SLC14A2: variants seen among roughly 807,000 people sequenced by gnomAD.
SLC14A2 encodes the protein urea transporter 2.
Under a neutral mutation model 104.6 loss-of-function variants are expected in SLC14A2, and 91 were observed. The observed-to-expected ratio is 0.87, with a 90% CI of 0.73 to 1.04. The LOEUF is 1.04. Among genes scored for constraint, SLC14A2 ranks in the 50% least tolerant of loss-of-function variants. The probability of loss-of-function intolerance (pLI) is 0.00; values close to 1 mark genes in which losing one functional copy is unlikely to be tolerated. For missense variants in SLC14A2, 1,189 were observed against 1,156.0 expected, an observed-to-expected ratio of 1.03 and a Z score of -0.41; for synonymous variants, 476 against 466.4, an observed-to-expected ratio of 1.02 and a Z score of -0.27.
At position 45,343,366 on chromosome 18, in the gene SLC14A2, C is replaced by T. The variant is rs532979554; in HGVS notation, c.-125+130175C>T. On this transcript the variant is annotated intron_variant, in intron 1 of 20. Transcript: ENST00000586448. Reference sequence around the variant, plus strand: ...TGATCAGAGGTAACCAATGCTAGGGCGTCGGGGTGCTGCATGATGGTCCCC... The same window carrying T: ...TGATCAGAGGTAACCAATGCTAGGGTGTCGGGGTGCTGCATGATGGTCCCC... 7.9e-5 allele frequency among the ~76,000 whole-genome samples: 12 copies of T among 152,024 alleles called. No individual in the cohort carries two copies. The South Asian group carries it at 1.9e-3, about 24-fold the overall frequency.
the SLC14A2 span, among the ~76,000 whole-genome samples, chr18:45,182,299 A>G: frequency 6.6e-6 from 1 of 152,008 alleles, no homozygotes; most frequent in Non-Finnish European, 1.5e-5. Context: ...ATAGGATAAG[A>G]GACACAGTAC....
intron 2 of SLC14A2, among the ~76,000 whole-genome samples, chr18:45,588,067 G>C (rs905418967): frequency 2.0e-5 from 3 of 152,190 alleles, no homozygotes; most frequent in African/African-American, 7.2e-5. Flanking sequence ...AAAGGGGAAT[G>C]CTGAGGTGAG....
chr18:45,277,483 A>G (rs1269136740), intron 1 of SLC14A2, among the ~76,000 whole-genome samples: 1 of 151,936 alleles, frequency 6.6e-6, no homozygotes, highest in African/African-American at 2.4e-5. Flanking sequence ...ATCATAGCTC[A>G]CTGCATCCAC....
rs113894529 is a variant in SLC14A2, at chr18:45,372,205, G to A, written c.-124-111028G>A. On this transcript the variant is annotated intron_variant, in intron 1 of 20. Transcript: ENST00000586448. ...CACTTGCCTGTAATCCCAGCTACTC[G>A]GGAGCCTGAGGCAGGAGAATCGCTT... Among the ~76,000 whole-genome samples, 204 of 152,046 alleles carry A rather than the reference G, an allele frequency of 1.3e-3. 3 individuals are homozygous for A. Among genetic ancestry groups the A allele is most frequent in the African/African-American group, 4.6e-3 (189 of 41,456 alleles).
chr18:45,222,688 G>T (rs2084074716), intron 1 of SLC14A2, among the ~76,000 whole-genome samples: 1 of 134,186 alleles, frequency 7.5e-6, no homozygotes, highest in Admixed American at 7.3e-5. Flanking sequence ...ATTCAGGTCT[G>T]CAAAAGATCA....
At chr18:45,244,034 C>T (rs982919424) in intron 1 of SLC14A2, among the ~76,000 whole-genome samples, 1 of 152,126 alleles carries the variant, frequency 6.6e-6, no homozygotes, top group African/African-American at 2.4e-5. Context: ...CCAGCGTACT[C>T]ATTCATGGGA....
intron 1 of SLC14A2, among the ~76,000 whole-genome samples, chr18:45,279,983 C>T (rs1000885018): frequency 6.6e-6 from 1 of 152,186 alleles, no homozygotes; most frequent in Non-Finnish European, 1.5e-5. Flanking sequence ...CCAGAATCCA[C>T]ACCCCCACCC....
intron 2 of SLC14A2, among the ~76,000 whole-genome samples, chr18:45,569,144 A>G (rs377289318): frequency 1.3e-4 from 20 of 152,278 alleles, no homozygotes; most frequent in Admixed American, 8.5e-4. Flanking sequence ...TTCACCCCTC[A>G]TGCCCCACTG....
At chr18:45,218,011 T>C (rs1425432190) in intron 1 of SLC14A2, among the ~76,000 whole-genome samples, 1 of 152,222 alleles carries the variant, frequency 6.6e-6, no homozygotes, top group Non-Finnish European at 1.5e-5. Flanking sequence ...ACTTGTTTTA[T>C]TGTAGTAAAA....
At chr18:45,477,336 C>A (rs2087400617) in intron 1 of SLC14A2, among the ~76,000 whole-genome samples, 1 of 152,176 alleles carries the variant, frequency 6.6e-6, no homozygotes, top group Admixed American at 6.5e-5. Flanking sequence ...AAGATTGCTG[C>A]CTGTTCCTTC....
intron 5 of SLC14A2, 117 bp downstream of exon 5, chr18:45,632,595 T>G: frequency 8.8e-7 from 1 of 1,131,572 alleles, no homozygotes; most frequent in Non-Finnish European, 1.3e-6. Flanking sequence ...ATAGCCAAGT[T>G]AGCTTGTCTG....
chr18:45,343,522 T>C (rs2085418174), intron 1 of SLC14A2, among the ~76,000 whole-genome samples: 1 of 152,174 alleles, frequency 6.6e-6, no homozygotes, highest in African/African-American at 2.4e-5. Flanking sequence ...CAGGATTCCA[T>C]GTCTCTCCAT....
At chr18:45,476,704 T>G (rs1229678250) in intron 1 of SLC14A2, among the ~76,000 whole-genome samples, 1 of 152,202 alleles carries the variant, frequency 6.6e-6, no homozygotes, top group Non-Finnish European at 1.5e-5. Flanking sequence ...TCTCTAATCT[T>G]GTCTTCATCC....
chr18:45,365,627 C>G (rs559308284), intron 1 of SLC14A2, among the ~76,000 whole-genome samples: 1 of 152,276 alleles, frequency 6.6e-6, no homozygotes, highest in East Asian at 1.9e-4. Context: ...TGCCCAGCAT[C>G]GCAGAGGTTC....
intron 1 of SLC14A2, among the ~76,000 whole-genome samples, chr18:45,311,428 A>G (rs1033991761): frequency 2.6e-5 from 4 of 152,198 alleles, no homozygotes; most frequent in Non-Finnish European, 5.9e-5. Flanking sequence ...AGGTTAAAAG[A>G]CTTGCCCAAA....
chr18:45,447,440 G>T (rs547990724), intron 1 of SLC14A2: 4 of 152,144 alleles, frequency 2.6e-5, no homozygotes, highest in Non-Finnish European at 5.9e-5. Flanking sequence ...GCAGAGAAAG[G>T]GGTTAAATGG....
intron 1 of SLC14A2, among the ~76,000 whole-genome samples, chr18:45,359,226 G>A (rs905519332): frequency 2.6e-5 from 4 of 152,176 alleles, no homozygotes; most frequent in Non-Finnish European, 4.4e-5. Flanking sequence ...TATAGGGCTG[G>A]TTTGAGCTGA....
intron 1 of SLC14A2, among the ~76,000 whole-genome samples, chr18:45,465,227 A>C (rs1384301491): frequency 6.6e-6 from 1 of 152,198 alleles, no homozygotes; most frequent in Admixed American, 6.5e-5. Flanking sequence ...ATCCCCTTGC[A>C]AACCTCTGGA....
rs114166534 is a variant in SLC14A2, at chr18:45,417,969, T to G, written c.-124-65264T>G. ...GTCATTCCAATCAAATGAAGCTAAA[T>G]GATTGGATGTGAAGATGAAAAACAG... On this transcript the variant is annotated intron_variant, in intron 1 of 20. Transcript: ENST00000586448. 3.3e-3 allele frequency among the ~76,000 whole-genome samples: 510 copies of G among 152,278 alleles called. 2 individuals carry two copies. Among genetic ancestry groups the G allele is most frequent in the Middle Eastern group, 0.014 (4 of 294 alleles).
Sources: gnomAD v4.1 joint callset for allele counts (sites outside exome capture counted in the v4.1 genomes callset) on GRCh38, gnomAD v4.1.1 for gene constraint, MANE v1.5 for transcripts, NCBI Gene and HGNC (gene_info 2026-07-23, HGNC 2026-07-21) for gene names.